The following ATF2 variants were observed in gnomAD, a reference collection of about 807,000 sequenced individuals.
ATF2 encodes activating transcription factor 2, also known as cyclic AMP-dependent transcription factor ATF-2.
ATF2 carries 24 observed loss-of-function variants against 60.6 expected under a neutral mutation model. The ratio of observed to expected loss-of-function variants is 0.40; its 90% CI spans 0.29 to 0.56. ATF2 has a LOEUF of 0.56. Among genes scored for constraint, ATF2 ranks in the 20% least tolerant of loss-of-function variants. The probability of loss-of-function intolerance (pLI) is 0.54; values close to 1 mark genes in which losing one functional copy is unlikely to be tolerated. For synonymous variants in ATF2, 206 were observed against 215.4 expected (o/e 0.96, Z 0.38); for missense variants, 433 against 607.7 (o/e 0.71, Z 3.02).
intron 2 of ATF2, chr2:175,147,803 A>C (rs1699051058): frequency 6.6e-6 from 1 of 152,208 alleles, no homozygotes; most frequent in Admixed American, 6.5e-5. Context: ...TATAATAATA[A>C]AGACAGGCTA....
At chr2:175,161,276 G>C (rs1311775215) in intron 1 of ATF2, among the ~76,000 whole-genome samples, 2 of 152,212 alleles carry the variant, frequency 1.3e-5, no homozygotes, top group African/African-American at 4.8e-5. Context: ...AAGCTACCAA[G>C]TAGATGGTTG....
chr2:175,161,980 C>G (rs80177483), intron 1 of ATF2, among the ~76,000 whole-genome samples: 13 of 152,094 alleles, frequency 8.5e-5, no homozygotes. Flanking sequence ...AGGCTGGTCT[C>G]GAACTCCTGA....
chr2:175,080,628 C>T, intron 13 of ATF2, 32 bp downstream of exon 13: 1 of 1,560,926 alleles, frequency 6.4e-7, no homozygotes. Context: ...ACTGACGTAG[C>T]CTAAGGCTAT....
intron 4 of ATF2, among the ~76,000 whole-genome samples, chr2:175,129,801 T>A (rs922893981): frequency 6.6e-6 from 1 of 151,980 alleles, no homozygotes; most frequent in Non-Finnish European, 1.5e-5. Context: ...TCATATAATA[T>A]CGATCTGATT....
chr2:175,149,242 A>G (rs1470503598), intron 2 of ATF2, among the ~76,000 whole-genome samples: 1 of 152,158 alleles, frequency 6.6e-6, no homozygotes, highest in Non-Finnish European at 1.5e-5. Context: ...GCCCTGGGTC[A>G]AAGTGCTGAG....
intron 10 of ATF2, among the ~76,000 whole-genome samples, chr2:175,111,104 A>G (rs542354887): frequency 6.6e-6 from 1 of 152,340 alleles, no homozygotes; most frequent in South Asian, 2.1e-4. Flanking sequence ...AATTAAAATT[A>G]AAATACACAT....
At chr2:175,096,593 GA>G (rs1236618605) in intron 11 of ATF2, among the ~76,000 whole-genome samples, 2 of 152,108 alleles carry the variant, frequency 1.3e-5, no homozygotes, top group Admixed American at 6.5e-5. Context: ...AACGGAAACA[GA>G]AAAAACATCT....
At chr2:175,142,328 C>T (rs1427183805) in intron 2 of ATF2, among the ~76,000 whole-genome samples, 1 of 151,894 alleles carries the variant, frequency 6.6e-6, no homozygotes, top group Admixed American at 6.6e-5. Flanking sequence ...ACCACCACTC[C>T]CGGCTAATTT....
intron 12 of ATF2, among the ~76,000 whole-genome samples, chr2:175,085,598 A>ACACAC (rs1553501579): frequency 5.1e-5 from 6 of 117,476 alleles, no homozygotes; most frequent in South Asian, 2.6e-4. Context: ...ACACACACAC[A>ACACAC]AATTCTCTCT....
At chr2:175,094,060 C>A (rs1694734140) in intron 11 of ATF2, among the ~76,000 whole-genome samples, 1 of 151,986 alleles carries the variant, frequency 6.6e-6, no homozygotes, top group South Asian at 2.1e-4. Context: ...TCACAAACCC[C>A]AAAACTGTGC....
chr2:175,085,558 A>G lies in ATF2; in HGVS notation c.1186-4793T>C, dbSNP rs1694103021. On this transcript the variant is annotated intron_variant, in intron 12 of 13. Coordinates refer to ENST00000264110, the MANE Select transcript of ATF2 (RefSeq NM_001880.4). ...AAATAAATAAATACATAACATACAC[A>G]CACACACACACACACACACACACAC... is the stretch of plus-strand genomic sequence containing the variant. Among the ~76,000 whole-genome samples, 3 of 21,678 alleles carry G rather than the reference A, an allele frequency of 1.4e-4. No homozygotes were observed. The South Asian group carries it at 6.6e-3, about 48-fold the overall frequency. The allele number at this position is 21,678 out of a possible 152,430, so 14.2% of individuals were successfully genotyped here.
In ATF2 at chr2:175,114,802, G is replaced by A. The variant is rs556192060; in HGVS notation, c.514C>T (p.Pro172Ser). The A allele has an allele frequency of 6.2e-7, 1 of 1,613,922 alleles. No individual in the cohort carries two copies. The highest frequency in any genetic ancestry group is 1.7e-5 in the Admixed American group (1 of 60,016). Residue 172 changes from proline (P) to serine (S), a missense_variant, in exon 8 of 14, where the codon CCC (proline) becomes TCC (serine). By Grantham distance (74) the Pro-to-Ser change is moderately conservative (BLOSUM62 -1). Around this residue, in one of 5 missense-constraint regions of ATF2, gnomAD observed 246 missense variants for 309.3 expected, o/e 0.80. Coordinates refer to ENST00000264110, the MANE Select transcript of ATF2 (RefSeq NM_001880.4). ...AIVRPASLQVPNVLLTSSDSS... is the reference protein window; with the variant it reads ...AIVRPASLQVSNVLLTSSDSS... ...TCAGAACTTGTAAGCAGCACATTGG[G>A]AACCTGTAATGATGCTGGACGAACA...
rs1553513531 is a variant in ATF2, at chr2:175,141,030, A to AATATATATAT, written c.-43-4554_-43-4545dup. The stretch of plus-strand genomic sequence containing the variant: ...AAAAAAAAAAAAAAAAAAAAAAAAA[A>AATATATATAT]ATATATATATATATATATATATGTA... On this transcript the variant is annotated intron_variant, in intron 2 of 13. Coordinates refer to ENST00000264110, the MANE Select transcript of ATF2 (RefSeq NM_001880.4). Among the ~76,000 whole-genome samples, 130 of 37,598 alleles carry AATATATATAT rather than the reference A, an allele frequency of 3.5e-3. 1 individual carries two copies. Among genetic ancestry groups the AATATATATAT allele is most frequent in the South Asian group, 5.8e-3 (5 of 866 alleles). The allele number at this position is 37,598 out of a possible 152,430, so 24.7% of individuals were successfully genotyped here.
chr2:175,153,836 A>G (rs1699477122), intron 1 of ATF2, among the ~76,000 whole-genome samples: 1 of 4,646 alleles, frequency 2.2e-4, no homozygotes, highest in Non-Finnish European at 1.6e-3. Flanking sequence ...TGCCTCAAAG[A>G]AAAAAAAAAA....
At chr2:175,165,405 A>C (rs902596805) in intron 1 of ATF2, among the ~76,000 whole-genome samples, 1 of 152,216 alleles carries the variant, frequency 6.6e-6, no homozygotes, top group Non-Finnish European at 1.5e-5. Context: ...TAGAAAAAGC[A>C]CACATTGGTG....
intron 12 of ATF2, among the ~76,000 whole-genome samples, chr2:175,084,838 A>G (rs979192094): frequency 4.6e-5 from 7 of 152,102 alleles, no homozygotes; most frequent in African/African-American, 1.7e-4. Flanking sequence ...AAGGCAGAAC[A>G]TATCTTTTCC....
chr2:175,140,999 GAAAAAAAAAAAAA>G (rs869208203), intron 2 of ATF2, among the ~76,000 whole-genome samples: 40 of 26,770 alleles, frequency 1.5e-3, no homozygotes, highest in Admixed American at 3.7e-3. Context: ...CCTATCTCAG[GAAAAAAAAAAAAA>G]AAAAAAAAAA....
chr2:175,077,898 C>G (rs981363082), intron 13 of ATF2, among the ~76,000 whole-genome samples: 9 of 152,274 alleles, frequency 5.9e-5, no homozygotes, highest in African/African-American at 2.2e-4. Context: ...CCACTTCCAG[C>G]TCTACCTAAG....
rs528358156 is a variant in ATF2, at chr2:175,163,497, G to C, written c.-143+4553C>G. On this transcript the variant is annotated intron_variant, in intron 1 of 13. Coordinates refer to ENST00000264110, the MANE Select transcript of ATF2 (RefSeq NM_001880.4). ...GGAAGTATTTTGTATTCCTTGGGTAGAAAGGCAAAAAAGTGGCTGAGAACC... is the reference window on the plus strand; with the variant it reads ...GGAAGTATTTTGTATTCCTTGGGTACAAAGGCAAAAAAGTGGCTGAGAACC... 2.0e-5 allele frequency among the ~76,000 whole-genome samples: 3 copies of C among 152,090 alleles called. No homozygotes were observed. The South Asian group carries it at 6.2e-4, about 32-fold the overall frequency.
Sources: allele counts gnomAD v4.1 joint callset (sites outside exome capture counted in the v4.1 genomes callset), GRCh38; gene constraint gnomAD v4.1.1; regional missense constraint gnomAD v4.1.1; transcripts MANE v1.5; gene names NCBI Gene and HGNC (gene_info 2026-07-23, HGNC 2026-07-21).